The following ENTPD1 variants were observed in gnomAD, a reference collection of about 807,000 sequenced individuals.
The protein encoded by ENTPD1 is ATP diphosphohydrolase.
Under a neutral mutation model 57.0 loss-of-function variants are expected in ENTPD1, and 33 were observed. That is an observed-to-expected ratio of 0.58 (90% confidence interval 0.44 to 0.77). The LOEUF is 0.77. Among genes scored for constraint, ENTPD1 ranks in the 30% least tolerant of loss-of-function variants. The pLI, the probability that ENTPD1 is intolerant of heterozygous loss-of-function variation, is 0.00. For missense variants in ENTPD1, 501 were observed against 603.4 expected, an observed-to-expected ratio of 0.83 and a Z score of 1.78; for synonymous variants, 202 against 218.8, an observed-to-expected ratio of 0.92 and a Z score of 0.68.
chr10:95,847,776 T>C, intron 7 of ENTPD1, 70 bp downstream of exon 7: 2 of 1,606,322 alleles, frequency 1.2e-6, no homozygotes, highest in South Asian at 1.1e-5. Context: ...CTACAAAAGA[T>C]TTAAATAATA....
intron 1 of ENTPD1, among the ~76,000 whole-genome samples, chr10:95,759,334 C>G (rs1297047376): frequency 2.6e-5 from 4 of 152,178 alleles, no homozygotes; most frequent in Non-Finnish European, 5.9e-5. Context: ...GCCAGGGCAC[C>G]CTGTTGGGCA....
intron 8 of ENTPD1, 52 bp from the exon 9 acceptor site, chr10:95,864,672 A>C (rs374812374): frequency 1.2e-6 from 2 of 1,612,364 alleles, no homozygotes; most frequent in Non-Finnish European, 1.7e-6. Flanking sequence ...AAAGAGGGCC[A>C]CAGAGAGGTG....
chr10:95,715,466 T>C (rs1297050708), intron 1 of ENTPD1, among the ~76,000 whole-genome samples: 1 of 151,952 alleles, frequency 6.6e-6, no homozygotes. Context: ...AGGCAACATG[T>C]AGTTAGATCT....
intron 1 of ENTPD1, among the ~76,000 whole-genome samples, chr10:95,803,195 A>G (rs148324057): frequency 0.037 from 5,676 of 152,150 alleles, 130 homozygotes; most frequent in Non-Finnish European, 0.049. Context: ...ATGAGCATGG[A>G]ATGTTTTTCC....
intron 6 of ENTPD1, 111 bp from the exon 7 acceptor site, chr10:95,847,335 A>C: frequency 7.6e-7 from 1 of 1,308,406 alleles, no homozygotes. Flanking sequence ...TATTGATTCC[A>C]ATACCAAGTG....
upstream of ENTPD1, among the ~76,000 whole-genome samples, chr10:95,707,272 C>A (rs1343563708): frequency 6.6e-6 from 1 of 152,216 alleles, no homozygotes; most frequent in African/African-American, 2.4e-5. Flanking sequence ...GTTTGGGCAG[C>A]TGCAGCCCTG....
chr10:95,720,254 C>T (rs995504619), intron 1 of ENTPD1, among the ~76,000 whole-genome samples: 8 of 152,000 alleles, frequency 5.3e-5, no homozygotes, highest in South Asian at 2.1e-4. Context: ...CCATATTGTC[C>T]GTCTGTTGCC....
At chr10:95,775,059 T>C (rs899042852) in intron 1 of ENTPD1, among the ~76,000 whole-genome samples, 1 of 152,168 alleles carries the variant, frequency 6.6e-6, no homozygotes, top group Non-Finnish European at 1.5e-5. Context: ...CCCTTGTGAG[T>C]TGGATTCCTA....
rs575712634 is a variant in ENTPD1, at chr10:95,744,813, G to A, written c.37+32820G>A. Reference sequence around the variant, plus strand: ...TTCATTCTTTGTGATTTAAATTTCTGTAGATTTTGACAAATGCATATTGTC... The same window carrying A: ...TTCATTCTTTGTGATTTAAATTTCTATAGATTTTGACAAATGCATATTGTC... On this transcript the variant is annotated intron_variant, in intron 1 of 9. Coordinates refer to the ENTPD1 transcript ENST00000453258. Among the ~76,000 whole-genome samples the A allele has an allele frequency of 1.1e-4, 16 of 152,152 alleles. No individual in the cohort carries two copies. The South Asian group carries it at 2.9e-3, about 28-fold the overall frequency.
intron 1 of ENTPD1, among the ~76,000 whole-genome samples, chr10:95,712,959 G>T (rs1453473314): frequency 6.6e-6 from 1 of 152,088 alleles, no homozygotes. Context: ...GCGTGAACCC[G>T]GGAGGCGGAG....
intron 1 of ENTPD1, among the ~76,000 whole-genome samples, chr10:95,719,685 TGAAC>T (rs1225765340): frequency 1.2e-4 from 19 of 152,340 alleles, no homozygotes; most frequent in African/African-American, 4.6e-4. Flanking sequence ...ACAAGGTTTC[TGAAC>T]GGGCGGCTAA....
chr10:95,854,343 C>T (rs1423709863), intron 7 of ENTPD1, among the ~76,000 whole-genome samples: 1 of 152,132 alleles, frequency 6.6e-6, no homozygotes, highest in Non-Finnish European at 1.5e-5. Flanking sequence ...ATTAGTCTTG[C>T]TAGCAGTCTA....
intron 1 of ENTPD1, among the ~76,000 whole-genome samples, chr10:95,749,057 T>C (rs2098009038): frequency 6.6e-6 from 1 of 152,226 alleles, no homozygotes; most frequent in Non-Finnish European, 1.5e-5. Flanking sequence ...CCTTTTGTTA[T>C]GTGAACAGTC....
rs1589640603 is a variant in ENTPD1, at chr10:95,719,653, A to G, written c.37+7660A>G. On this transcript the variant is annotated intron_variant, in intron 1 of 9. Transcript: ENST00000453258. ...GCCACAGGTGGCGAGGAAATTTAAG[A>G]GCGTTTGGGTGGCTTGATGGCACAA... 3.9e-5 allele frequency among the ~76,000 whole-genome samples: 6 copies of G among 152,286 alleles called. No homozygotes were observed. The South Asian group carries it at 1.2e-3, about 32-fold the overall frequency.
intron 1 of ENTPD1, among the ~76,000 whole-genome samples, chr10:95,748,279 A>C (rs1215930996): frequency 6.6e-6 from 1 of 152,232 alleles, no homozygotes; most frequent in Non-Finnish European, 1.5e-5. Context: ...TCCATTTTGC[A>C]TATGTCTACT....
chr10:95,790,629 T>C (rs1031958599), intron 1 of ENTPD1, among the ~76,000 whole-genome samples: 6 of 152,218 alleles, frequency 3.9e-5, no homozygotes, highest in Non-Finnish European at 7.3e-5. Context: ...TCTATCACTT[T>C]CCTCCCAACC....
the ENTPD1 span, among the ~76,000 whole-genome samples, chr10:95,696,511 C>T: frequency 4.6e-5 from 7 of 152,138 alleles, no homozygotes; most frequent in Non-Finnish European, 8.8e-5. Context: ...AACTCCTGAC[C>T]TCAAGTGATC....
In ENTPD1 at chr10:95,839,412, G is replaced by A. The variant is rs186030847; in HGVS notation, c.145-279G>A. 4 of 439,244 alleles carry A rather than the reference G, an allele frequency of 9.1e-6. No homozygotes were observed. In the Admixed American group the frequency reaches 1.4e-4, roughly 15 times the overall value. 27.2% of individuals were successfully genotyped at this position (439,244 alleles called of 1,614,324 possible). Reference sequence around the variant, plus strand: ...GGTTCTGAATCTTGGCTGCACATTAGAATCACCTAAGAAGCTTCTAAACAA... The same window carrying A: ...GGTTCTGAATCTTGGCTGCACATTAAAATCACCTAAGAAGCTTCTAAACAA... On this transcript the variant is annotated intron_variant, in intron 2 of 9. Coordinates refer to ENST00000371205, the MANE Select transcript of ENTPD1 (RefSeq NM_001776.6).
chr10:95,865,123 A>C (rs568096792), intron 9 of ENTPD1, among the ~76,000 whole-genome samples: 2 of 152,344 alleles, frequency 1.3e-5, no homozygotes, highest in South Asian at 4.1e-4. Context: ...CTTACAAAAC[A>C]AAACACAAAA....
Sources: allele counts gnomAD v4.1 joint callset (sites outside exome capture counted in the v4.1 genomes callset), GRCh38; gene constraint gnomAD v4.1.1; transcripts MANE v1.5; gene names NCBI Gene and HGNC (gene_info 2026-07-23, HGNC 2026-07-21).